C1orf74: variants seen among roughly 807,000 people sequenced by gnomAD.
C1orf74 encodes the protein UPF0739 protein C1orf74.
Under a neutral mutation model 7.3 loss-of-function variants are expected in C1orf74, and 5 were observed. The ratio of observed to expected loss-of-function variants is 0.68; its 90% CI spans 0.36 to 1.44. The LOEUF (loss-of-function observed/expected upper bound fraction) is 1.44, where lower values mean the gene tolerates loss of function less well. Among genes scored for constraint, C1orf74 ranks in the 40% most tolerant of loss-of-function variants. C1orf74 has a pLI of 0.04. For missense variants in C1orf74, 291 were observed against 314.3 expected (o/e 0.93, Z 0.56); for synonymous variants, 121 against 132.5 (o/e 0.91, Z 0.59).
chr1:209,782,561 A>G lies in C1orf74; in HGVS notation c.*264T>C, dbSNP rs2077802373. 3 of 522,876 alleles carry G rather than the reference A, an allele frequency of 5.7e-6. No homozygotes were observed. The East Asian group carries it at 1.0e-4, about 17-fold the overall frequency. 32.4% of individuals were successfully genotyped at this position (522,876 alleles called of 1,614,324 possible). A position where few individuals can be genotyped will look rare whatever the true frequency, so the allele number is the denominator to read the frequency against. ...TTTCCTCTATCATCTCCTTCCTTCT[A>G]TCTTTTATCCAGTGAAAATGAAAAC... On this transcript the variant is annotated 3_prime_UTR_variant, in exon 2 of 2. Coordinates refer to ENST00000294811, the MANE Select transcript of C1orf74 (RefSeq NM_152485.4).
rs753142867 is a variant in C1orf74 at position 209,783,494 on chromosome 1, G to A, written c.141C>T (p.Ala47=). Residue 47 remains alanine, a synonymous_variant, in exon 2 of 2, where the codon GCC becomes GCT. Transcript: ENST00000294811. Reference sequence around the variant, plus strand: ...AGAGCACAGCTGGCTTCAGTCCCCGGGCCACAGCCAGCACCTCTCCAGCTA... The same window carrying A: ...AGAGCACAGCTGGCTTCAGTCCCCGAGCCACAGCCAGCACCTCTCCAGCTA... ...LHLAGEVLAV[A]RGLKPAVLYD... The A allele has an allele frequency of 1.1e-5, 18 of 1,613,996 alleles. No individual in the cohort carries two copies. Among genetic ancestry groups the A allele is most frequent in the South Asian group, 9.9e-5 (9 of 91,076 alleles).
chr1:209,782,971 TAAAAG>T lies in C1orf74; in HGVS notation c.659_663del (p.Ser220Ter). The T allele has an allele frequency of 6.2e-7, 1 of 1,614,132 alleles. No individual in the cohort carries two copies. Among genetic ancestry groups the T allele is most frequent in the Non-Finnish European group, 8.5e-7 (1 of 1,180,018 alleles). On this transcript the variant is annotated frameshift_variant, in exon 2 of 2. Transcript: ENST00000294811. LOFTEE classifies it high-confidence loss of function. Reference sequence around the variant, plus strand: ...CCTGGGAACAAACTCTCTGGGACACTAAAAGAATAGAGCAGGATTGGGGGTTGACC... The same window carrying T: ...CCTGGGAACAAACTCTCTGGGACACTAATAGAGCAGGATTGGGGGTTGACC...
Position 209,781,344 on chromosome 1 carries a change from G to A in C1orf74, c.*1481C>T, listed in dbSNP as rs775683922. The A allele has an allele frequency of 2.5e-6, 4 of 1,598,862 alleles. No individual in the cohort carries two copies. The highest frequency in any genetic ancestry group is 1.7e-6 in the Non-Finnish European group (2 of 1,167,028). ...GATGACTTTGGTGATGTTCTCCCCAGTGCAGAGAACTGCATTCAGAATTAG... is the reference window on the plus strand; with the variant it reads ...GATGACTTTGGTGATGTTCTCCCCAATGCAGAGAACTGCATTCAGAATTAG... On this transcript the variant is annotated 3_prime_UTR_variant, in exon 2 of 2. Transcript: ENST00000294811.
chr1:209,780,926 A>G lies in C1orf74; in HGVS notation c.*1899T>C, dbSNP rs1172396939. The G allele has an allele frequency of 5.3e-6, 1 of 189,078 alleles. No homozygotes were observed. Among genetic ancestry groups the G allele is most frequent in the Non-Finnish European group, 1.1e-5 (1 of 91,380 alleles). 11.7% of individuals were successfully genotyped at this position (189,078 alleles called of 1,614,324 possible). A position where few individuals can be genotyped will look rare whatever the true frequency, so the allele number is the denominator to read the frequency against. ...ATCTTAAGTCTTTATATGTCTCTTAAAGAGTAAAACTCTTCCTTTGTACAT... is the reference window on the plus strand; with the variant it reads ...ATCTTAAGTCTTTATATGTCTCTTAGAGAGTAAAACTCTTCCTTTGTACAT... On this transcript the variant is annotated 3_prime_UTR_variant, in exon 2 of 2. Coordinates refer to ENST00000294811, the MANE Select transcript of C1orf74 (RefSeq NM_152485.4).
chr1:209,779,444 G>A lies in C1orf74; in HGVS notation c.*3381C>T. ...TTACCTGCCTAGAGGCAGCGGGATG[G>A]ACTACATGACCTCCTGGAGTCCCAG... On this transcript the variant is annotated 3_prime_UTR_variant, in exon 2 of 2. Transcript: ENST00000294811. 2 of 1,351,236 alleles carry A rather than the reference G, an allele frequency of 1.5e-6. No individual in the cohort carries two copies. Among genetic ancestry groups the A allele is most frequent in the African/African-American group, 2.9e-5 (2 of 69,672 alleles). The allele number at this position is 1,351,236 out of a possible 1,614,324, so 83.7% of individuals were successfully genotyped here.
At position 209,780,012 on chromosome 1, in the gene C1orf74, A is replaced by G. The variant is rs1366970243; in HGVS notation, c.*2813T>C. 1 of 158,826 alleles carries G rather than the reference A, an allele frequency of 6.3e-6. No individual in the cohort carries two copies. Among genetic ancestry groups the G allele is most frequent in the African/African-American group, 2.4e-5 (1 of 41,616 alleles). 9.8% of individuals were successfully genotyped at this position (158,826 alleles called of 1,614,324 possible). On this transcript the variant is annotated 3_prime_UTR_variant, in exon 2 of 2. Coordinates refer to ENST00000294811, the MANE Select transcript of C1orf74 (RefSeq NM_152485.4). ...AGTCCATGCTCTTTTCACCAAGACT[A>G]AGACTGCAGGGTGGCTAAAAAACCA...
At chr1:209,783,978 G>A (rs1013611718) in intron 1 of C1orf74, among the ~76,000 whole-genome samples, 4 of 152,080 alleles carry the variant, frequency 2.6e-5, no homozygotes, top group African/African-American at 9.7e-5. Flanking sequence ...GGTTCAAACC[G>A]TAGGGAATTT....
chr1:209,780,329 G>T lies in C1orf74; in HGVS notation c.*2496C>A. 1.4e-6 allele frequency: 1 copy of T among 692,896 alleles called. No homozygotes were observed. The highest frequency in any genetic ancestry group is 2.2e-6 in the Non-Finnish European group (1 of 464,848). The allele number at this position is 692,896 out of a possible 1,614,324, so 42.9% of individuals were successfully genotyped here. A position where few individuals can be genotyped will look rare whatever the true frequency, so the allele number is the denominator to read the frequency against. ...GGGCCTACTGGAAGTTAACCTTTAT[G>T]TCAGAGAATGCCATCAGTCTAGCCA... On this transcript the variant is annotated 3_prime_UTR_variant, in exon 2 of 2. Transcript: ENST00000294811.
chr1:209,781,666 G>T lies in C1orf74; in HGVS notation c.*1159C>A. 2.0e-6 allele frequency: 1 copy of T among 509,680 alleles called. No homozygotes were observed. The highest frequency in any genetic ancestry group is 5.2e-4 in the Middle Eastern group (1 of 1,920). 31.6% of individuals were successfully genotyped at this position (509,680 alleles called of 1,614,324 possible). A position where few individuals can be genotyped will look rare whatever the true frequency, so the allele number is the denominator to read the frequency against. On this transcript the variant is annotated 3_prime_UTR_variant, in exon 2 of 2. Transcript: ENST00000294811. ...GCCCAACTTTCACAGAACTCTCAAT[G>T]CCAGAAGGAAAGACTTACTCTTAGC... is the stretch of plus-strand genomic sequence containing the variant.
At position 209,781,604 on chromosome 1, in the gene C1orf74, G is replaced by A; in HGVS notation, c.*1221C>T. Reference sequence around the variant, plus strand: ...TTGGTTTATACTATACTGACATTATGGCAACCATTGAAAAAAACACTGGCT... The same window carrying A: ...TTGGTTTATACTATACTGACATTATAGCAACCATTGAAAAAAACACTGGCT... On this transcript the variant is annotated 3_prime_UTR_variant, in exon 2 of 2. Transcript: ENST00000294811. The A allele has an allele frequency of 1.8e-6, 1 of 549,574 alleles. No individual in the cohort carries two copies. Among genetic ancestry groups the A allele is most frequent in the Non-Finnish European group, 3.3e-6 (1 of 306,914 alleles). 34.0% of individuals were successfully genotyped at this position (549,574 alleles called of 1,614,324 possible).
Position 209,781,950 on chromosome 1 carries a change from A to G in C1orf74, c.*875T>C, listed in dbSNP as rs1042531652. ...GTAAAAAGCTTTTTCTCCACCACCA[A>G]CCCAGCGTTTTCCACTGGGCTAGAG... On this transcript the variant is annotated 3_prime_UTR_variant, in exon 2 of 2. Transcript: ENST00000294811. The G allele has an allele frequency of 7.8e-6, 7 of 893,156 alleles. No homozygotes were observed. The African/African-American group carries it at 9.9e-5, about 13-fold the overall frequency. 55.3% of individuals were successfully genotyped at this position (893,156 alleles called of 1,614,324 possible).
Position 209,780,614 on chromosome 1 carries a change from G to T in C1orf74, c.*2211C>A. The T allele has an allele frequency of 1.9e-6, 3 of 1,572,532 alleles. No individual in the cohort carries two copies. Among genetic ancestry groups the T allele is most frequent in the Admixed American group, 1.8e-5 (1 of 55,534 alleles). ...CAGGCCAAGGAAAAGGAGGTGAGAG[G>T]GTGACCTGAGATAGTGAGGGCTCAT... On this transcript the variant is annotated 3_prime_UTR_variant, in exon 2 of 2. Coordinates refer to ENST00000294811, the MANE Select transcript of C1orf74 (RefSeq NM_152485.4).
Position 209,783,542 on chromosome 1 carries a change from T to G in C1orf74, c.93A>C (p.Pro31=). ...QTLGMGKRRS[P]PQAICLHLAG... Reference sequence around the variant, plus strand: ...CTAAGTGAAGGCAGATGGCTTGGGGTGGACTCCGTCTCTTTCCCATGCCAA... The same window carrying G: ...CTAAGTGAAGGCAGATGGCTTGGGGGGGACTCCGTCTCTTTCCCATGCCAA... Residue 31 remains proline, a synonymous_variant, in exon 2 of 2, where the codon CCA becomes CCC. Transcript: ENST00000294811. 1 of 1,614,038 alleles carries G rather than the reference T, an allele frequency of 6.2e-7. No homozygotes were observed. The highest frequency in any genetic ancestry group is 8.5e-7 in the Non-Finnish European group (1 of 1,179,998).
Position 209,780,228 on chromosome 1 carries a change from A to G in C1orf74, c.*2597T>C. The G allele has an allele frequency of 6.5e-6, 2 of 309,748 alleles. No individual in the cohort carries two copies. Among genetic ancestry groups the G allele is most frequent in the Non-Finnish European group, 1.2e-5 (2 of 170,160 alleles). 19.2% of individuals were successfully genotyped at this position (309,748 alleles called of 1,614,324 possible). A position where few individuals can be genotyped will look rare whatever the true frequency, so the allele number is the denominator to read the frequency against. On this transcript the variant is annotated 3_prime_UTR_variant, in exon 2 of 2. Transcript: ENST00000294811. ...CTAAAACTATCTAGCACTAGATAAG[A>G]CTGGGGATACAAAGAAAAGATCCCA... is the stretch of plus-strand genomic sequence containing the variant.
chr1:209,782,277 TTAACC>T lies in C1orf74; in HGVS notation c.*543_*547del, dbSNP rs1330897101. The T allele has an allele frequency of 1.4e-6, 1 of 699,386 alleles. No homozygotes were observed. 43.3% of individuals were successfully genotyped at this position (699,386 alleles called of 1,614,324 possible). On this transcript the variant is annotated 3_prime_UTR_variant, in exon 2 of 2. Coordinates refer to ENST00000294811, the MANE Select transcript of C1orf74 (RefSeq NM_152485.4). ...GGATTTCTGACTTTTTATTAATTTC[TTAACC>T]TACTGTAAATAAACTTCACCTGACC...
chr1:209,783,671 C>T lies in C1orf74; in HGVS notation c.-37G>A, dbSNP rs755560527. 2.0e-6 allele frequency: 3 copies of T among 1,512,112 alleles called. No individual in the cohort carries two copies. The highest frequency in any genetic ancestry group is 4.5e-5 in the East Asian group (2 of 44,056). 93.7% of individuals were successfully genotyped at this position (1,512,112 alleles called of 1,614,324 possible). On this transcript the variant is annotated 5_prime_UTR_variant, in exon 2 of 2. Transcript: ENST00000294811. Reference sequence around the variant, plus strand: ...TCCTTAGCTAGCCCGAGTTCCCTTCCCTGGGTGGCATCTTTCAGCCAGACA... The same window carrying T: ...TCCTTAGCTAGCCCGAGTTCCCTTCTCTGGGTGGCATCTTTCAGCCAGACA...
intron 1 of C1orf74, among the ~76,000 whole-genome samples, 161 bp downstream of exon 1, chr1:209,784,217 A>C (rs747523906): frequency 7.2e-5 from 11 of 152,328 alleles, no homozygotes; most frequent in Non-Finnish European, 1.2e-4. Flanking sequence ...GAAATCCACT[A>C]GAACTGCAGA....
chr1:209,782,775 C>A lies in C1orf74; in HGVS notation c.*50G>T. On this transcript the variant is annotated 3_prime_UTR_variant, in exon 2 of 2. Transcript: ENST00000294811. ...GAGATGATTATTTGCCATCCCCAAC[C>A]TAGAGATGATCATTTACTGAGTACC... 1 of 1,555,636 alleles carries A rather than the reference C, an allele frequency of 6.4e-7. No homozygotes were observed. The highest frequency in any genetic ancestry group is 8.8e-7 in the Non-Finnish European group (1 of 1,138,942).
Position 209,782,611 on chromosome 1 carries a change from T to A in C1orf74, c.*214A>T. ...CATCTCCACTAAGAGGACTTCCTAG[T>A]ATAGAAATGGCAAGTATGTACTATC... On this transcript the variant is annotated 3_prime_UTR_variant, in exon 2 of 2. Coordinates refer to ENST00000294811, the MANE Select transcript of C1orf74 (RefSeq NM_152485.4). The A allele has an allele frequency of 6.8e-6, 4 of 590,072 alleles. No individual in the cohort carries two copies. The South Asian group carries it at 8.3e-5, about 12-fold the overall frequency. The allele number at this position is 590,072 out of a possible 1,614,324, so 36.6% of individuals were successfully genotyped here.
Sources: gnomAD v4.1 joint callset for allele counts (sites outside exome capture counted in the v4.1 genomes callset) on GRCh38, gnomAD v4.1.1 for gene constraint, MANE v1.5 for transcripts, NCBI Gene and HGNC (gene_info 2026-07-23, HGNC 2026-07-21) for gene names.